ASTN1: variants seen among roughly 807,000 people sequenced by gnomAD.
The protein encoded by ASTN1 is astrotactin 1, also known as astrotactin-1.
ASTN1 carries 41 observed loss-of-function variants against 140.7 expected under a neutral mutation model. The ratio of observed to expected loss-of-function variants is 0.29; its 90% CI spans 0.23 to 0.38. ASTN1 has a LOEUF of 0.38. Among genes scored for constraint, ASTN1 ranks in the 10% least tolerant of loss-of-function variants. The pLI is 1.00. For missense variants in ASTN1, 1,479 were observed against 1,678.8 expected (o/e 0.88, Z 2.08); for synonymous variants, 640 against 652.2 (o/e 0.98, Z 0.29).
At chr1:177,134,744 G>A (rs888097089) in intron 1 of ASTN1, among the ~76,000 whole-genome samples, 7 of 152,154 alleles carry the variant, frequency 4.6e-5, no homozygotes, top group Non-Finnish European at 8.8e-5. Flanking sequence ...ATGCAAAGAG[G>A]AAGTGGTAAA....
intron 2 of ASTN1, among the ~76,000 whole-genome samples, chr1:177,050,477 T>A (rs1677481893): frequency 6.6e-6 from 1 of 152,154 alleles, no homozygotes; most frequent in Admixed American, 6.5e-5. Context: ...TGACTCATCC[T>A]TTGCTATTCA....
rs538243843 is a variant in ASTN1, at chr1:177,099,113, T to C, written c.284-37848A>G. 2.0e-3 allele frequency among the ~76,000 whole-genome samples: 308 copies of C among 152,302 alleles called. 1 individual carries two copies. Among genetic ancestry groups the C allele is most frequent in the African/African-American group, 7.3e-3 (303 of 41,564 alleles). ...ATACATTCCCATTAAGCAACATCAA[T>C]TCTCAACACACTGGATATAATCTCT... On this transcript the variant is annotated intron_variant, in intron 1 of 22. Transcript: ENST00000361833.
intron 21 of ASTN1, among the ~76,000 whole-genome samples, chr1:176,872,859 T>C (rs995375161): frequency 6.6e-6 from 1 of 152,194 alleles, no homozygotes; most frequent in African/African-American, 2.4e-5. Context: ...GTTAAAATTC[T>C]ACCCTCTGCA....
intron 1 of ASTN1, among the ~76,000 whole-genome samples, chr1:177,110,776 G>A (rs1680789616): frequency 6.6e-6 from 1 of 152,160 alleles, no homozygotes; most frequent in South Asian, 2.1e-4. Flanking sequence ...CGGGACTCAA[G>A]ATTGTTTAAG....
chr1:176,997,450 T>C (rs1168096751), intron 8 of ASTN1, among the ~76,000 whole-genome samples: 1 of 152,066 alleles, frequency 6.6e-6, no homozygotes, highest in Non-Finnish European at 1.5e-5. Context: ...CCTAGAGGAC[T>C]ATTGTGAGGA....
At chr1:176,871,316 A>G (rs1235723647) in intron 21 of ASTN1, among the ~76,000 whole-genome samples, 2 of 152,104 alleles carry the variant, frequency 1.3e-5, no homozygotes, top group African/African-American at 2.4e-5. Context: ...GGGGAGGAAA[A>G]ATGCTGGTGA....
At chr1:177,111,851 G>T (rs530953734) in intron 1 of ASTN1, among the ~76,000 whole-genome samples, 5 of 152,082 alleles carry the variant, frequency 3.3e-5, no homozygotes, top group African/African-American at 9.7e-5. Context: ...CTTAAGAGTC[G>T]GTAGCAGCCC....
At chr1:176,928,905 G>C (rs1181726252) in intron 16 of ASTN1, among the ~76,000 whole-genome samples, 1 of 152,166 alleles carries the variant, frequency 6.6e-6, no homozygotes, top group Non-Finnish European at 1.5e-5. Flanking sequence ...GACACAAAGG[G>C]ACAAGAGAGT....
At position 177,140,813 on chromosome 1, in the gene ASTN1, G is replaced by T. The variant is rs532906880; in HGVS notation, c.283+23581C>A. 9.8e-5 allele frequency among the ~76,000 whole-genome samples: 15 copies of T among 152,334 alleles called. 1 individual carries two copies. In the East Asian group the frequency reaches 2.5e-3, roughly 25 times the overall value. ...CATAGTCCTCTAGTTAAGAGCAGAG[G>T]CTTTGGGGTCAGGTAGACTGAAGGA... On this transcript the variant is annotated intron_variant, in intron 1 of 22. Transcript: ENST00000361833.
intron 1 of ASTN1, among the ~76,000 whole-genome samples, chr1:177,156,819 A>G (rs1356550484): frequency 6.6e-6 from 1 of 152,178 alleles, no homozygotes; most frequent in Non-Finnish European, 1.5e-5. Flanking sequence ...AACAGTGAGA[A>G]GTCAAGTTGA....
At chr1:177,064,575 A>T (rs1571730348) in intron 1 of ASTN1, among the ~76,000 whole-genome samples, 1 of 152,340 alleles carries the variant, frequency 6.6e-6, no homozygotes, top group African/African-American at 2.4e-5. Flanking sequence ...CTGAGAGCAC[A>T]GCCTCTGGCC....
chr1:176,969,700 C>T (rs970154666), intron 8 of ASTN1, among the ~76,000 whole-genome samples: 1 of 152,142 alleles, frequency 6.6e-6, no homozygotes, highest in African/African-American at 2.4e-5. Context: ...TTGAACCCTG[C>T]CATCGGAAGG....
At chr1:177,032,067 A>G (rs886129557) in intron 3 of ASTN1, among the ~76,000 whole-genome samples, 12 of 152,146 alleles carry the variant, frequency 7.9e-5, no homozygotes, top group African/African-American at 2.2e-4. Context: ...CTCCGCTTCA[A>G]TGGAGAATTA....
chr1:177,124,021 T>G (rs1002514068), intron 1 of ASTN1, among the ~76,000 whole-genome samples: 3 of 152,238 alleles, frequency 2.0e-5, no homozygotes, highest in Admixed American at 2.0e-4. Context: ...GAGCCGTTTT[T>G]GAGGAAGACT....
chr1:177,099,807 G>T lies in ASTN1; in HGVS notation c.284-38542C>A, dbSNP rs546884288. ...TTTATCTAAGAAGGCCCATGAAAAA[G>T]CTCAATGACATCAGAGAAGTGTGAG... On this transcript the variant is annotated intron_variant, in intron 1 of 22. Transcript: ENST00000361833. Among the ~76,000 whole-genome samples, 244 of 152,196 alleles carry T rather than the reference G, an allele frequency of 1.6e-3. 1 individual carries two copies. Among genetic ancestry groups the T allele is most frequent in the African/African-American group, 5.6e-3 (231 of 41,552 alleles).
downstream of ASTN1, chr1:176,857,446 A>G: frequency 2.5e-6 from 1 of 406,000 alleles, no homozygotes; most frequent in Non-Finnish European, 4.4e-6. Context: ...AGAAGGACAA[A>G]TAGGAGCAAC....
chr1:177,098,817 G>C (rs966788079), intron 1 of ASTN1, among the ~76,000 whole-genome samples: 1 of 152,134 alleles, frequency 6.6e-6, no homozygotes, highest in African/African-American at 2.4e-5. Flanking sequence ...AGGTGAGAAA[G>C]CTCCTTGGTG....
Position 176,965,145 on chromosome 1 carries a change from C to A in ASTN1, c.1598+18G>T. Reference sequence around the variant, plus strand: ...GGTTTGCAGACGTACATAAGCAAGTCCCTAGACAATCACTTACCTAAATAT... The same window carrying A: ...GGTTTGCAGACGTACATAAGCAAGTACCTAGACAATCACTTACCTAAATAT... On this transcript the variant is annotated intron_variant, in intron 9 of 22. Transcript: ENST00000361833. The A allele has an allele frequency of 6.2e-7, 1 of 1,611,864 alleles. No homozygotes were observed. Among genetic ancestry groups the A allele is most frequent in the African/African-American group, 1.3e-5 (1 of 74,968 alleles).
At chr1:176,883,039 G>T in intron 19 of ASTN1, 45 bp from the exon 20 acceptor site, 1 of 1,610,698 alleles carries the variant, frequency 6.2e-7, no homozygotes. Context: ...AAACAATGAC[G>T]GCCAAGCAAT....
Sources: gnomAD v4.1 joint callset for allele counts (sites outside exome capture counted in the v4.1 genomes callset) on GRCh38, gnomAD v4.1.1 for gene constraint, MANE v1.5 for transcripts, NCBI Gene and HGNC (gene_info 2026-07-23, HGNC 2026-07-21) for gene names.